INSC: variants seen among roughly 807,000 people sequenced by gnomAD.
INSC encodes protein inscuteable homolog.
INSC carries 67 observed loss-of-function variants against 58.6 expected under a neutral mutation model. The ratio of observed to expected loss-of-function variants is 1.14; its 90% CI spans 0.94 to 1.40. The LOEUF is 1.40. INSC is among the 40% of genes most tolerant of loss of function. The pLI, the probability that INSC is intolerant of heterozygous loss-of-function variation, is 0.00. For missense variants in INSC, 714 were observed against 692.0 expected (o/e 1.03, Z -0.36); for synonymous variants, 262 against 276.1 (o/e 0.95, Z 0.51).
chr11:15,219,459 G>A (rs571654868), intron 7 of INSC, among the ~76,000 whole-genome samples: 1 of 152,272 alleles, frequency 6.6e-6, no homozygotes, highest in South Asian at 2.1e-4. Flanking sequence ...ACAAGGCTTG[G>A]CATGCAGTAT....
At chr11:15,220,551 T>C (rs115892989) in intron 7 of INSC, among the ~76,000 whole-genome samples, 82 of 152,260 alleles carry the variant, frequency 5.4e-4, no homozygotes, top group African/African-American at 1.9e-3. Context: ...ACCATTTGAG[T>C]TTGAATACCA....
intron 1 of INSC, among the ~76,000 whole-genome samples, chr11:15,134,827 C>CTTTATTTATTTATTTATTTA (rs112337509): frequency 0.012 from 1,838 of 150,898 alleles, 32 homozygotes; most frequent in African/African-American, 0.037. Context: ...CATCTTCCTC[C>CTTTATTTATTTATTTATTTA]TTTATTTATT....
At position 15,245,952 on chromosome 11, in the gene INSC, T is replaced by G. The variant is rs1396843765; in HGVS notation, c.1511T>G (p.Leu504Arg). The change falls in exon 13 of 13, where the codon CTC becomes CGC. Residue 504 changes from leucine to arginine, a missense_variant. Physicochemically the swap from Leu to Arg is moderately radical, Grantham distance 102. Transcript: ENST00000379556. Reference protein sequence around the residue: ...RRLAGVCPEGLQDSDFQQLVQ... With the variant: ...RRLAGVCPEGRQDSDFQQLVQ... ...TTGGCTGGGGTCTGCCCTGAAGGCC[T>G]CCAGGACTCTGACTTTCAGCAGTTG... is the stretch of plus-strand genomic sequence containing the variant. 1.2e-6 allele frequency: 2 copies of G among 1,614,204 alleles called. No individual in the cohort carries two copies. Among genetic ancestry groups the G allele is most frequent in the Non-Finnish European group, 8.5e-7 (1 of 1,180,020 alleles).
chr11:15,186,885 C>A (rs1055995090), intron 5 of INSC, among the ~76,000 whole-genome samples: 3 of 152,090 alleles, frequency 2.0e-5, no homozygotes, highest in East Asian at 1.9e-4. Flanking sequence ...TTAAAAAAAA[C>A]CCAGCAATTG....
At chr11:15,157,956 G>C (rs368967555) in intron 2 of INSC, among the ~76,000 whole-genome samples, 5 of 152,120 alleles carry the variant, frequency 3.3e-5, no homozygotes, top group African/African-American at 1.2e-4. Context: ...TTCCTCCCTG[G>C]ATGTGTTTCC....
At chr11:15,120,870 G>C (rs1257679846) in intron 1 of INSC, among the ~76,000 whole-genome samples, 3 of 147,634 alleles carry the variant, frequency 2.0e-5, no homozygotes, top group African/African-American at 7.3e-5. Flanking sequence ...AAATGTATAA[G>C]ACTTATATAA....
chr11:15,118,746 C>T (rs1198303687), intron 1 of INSC, among the ~76,000 whole-genome samples: 3 of 152,176 alleles, frequency 2.0e-5, no homozygotes, highest in African/African-American at 7.2e-5. Flanking sequence ...TAAGCTCAAC[C>T]AAGTGAAAAC....
chr11:15,221,617 G>T lies in INSC; in HGVS notation c.960G>T (p.Glu320Asp), dbSNP rs1446411563. 1.2e-6 allele frequency: 2 copies of T among 1,613,462 alleles called. No individual in the cohort carries two copies. The highest frequency in any genetic ancestry group is 1.3e-5 in the African/African-American group (1 of 74,904). ...CCCAGCACCTCAGTAGCTTCCTGGA[G>T]AGCATGGAGGAGATCGTGACAGCCC... The part of the protein sequence containing the change: ...PVTQHLSSFL[E>D]SMEEIVTALV... The change falls in exon 8 of 13, where the codon GAG becomes GAT. Residue 320 changes from glutamate to aspartate, a missense_variant. Transcript: ENST00000379556.
At chr11:15,192,149 C>T (rs1850202153) in intron 6 of INSC, among the ~76,000 whole-genome samples, 2 of 152,250 alleles carry the variant, frequency 1.3e-5, no homozygotes, top group African/African-American at 4.8e-5. Flanking sequence ...GTTTCTCCCT[C>T]TCCCAGGCTG....
chr11:15,264,594 C>T, the INSC span, among the ~76,000 whole-genome samples: 2 of 149,236 alleles, frequency 1.3e-5, no homozygotes, highest in Non-Finnish European at 3.0e-5. Context: ...TCTTCTCATG[C>T]TTGGAATCTT....
chr11:15,220,752 T>C (rs1851405411), intron 7 of INSC, among the ~76,000 whole-genome samples: 1 of 152,208 alleles, frequency 6.6e-6, no homozygotes, highest in Non-Finnish European at 1.5e-5. Flanking sequence ...CAGCAGAAGC[T>C]GTTATGCCAA....
chr11:15,207,161 G>T (rs1365235720), intron 7 of INSC, among the ~76,000 whole-genome samples: 3 of 152,138 alleles, frequency 2.0e-5, no homozygotes, highest in Non-Finnish European at 4.4e-5. Context: ...GGAAGCTACA[G>T]GTCTGTGGCC....
chr11:15,158,607 G>A (rs536857817), intron 2 of INSC, among the ~76,000 whole-genome samples: 2 of 152,236 alleles, frequency 1.3e-5, no homozygotes, highest in African/African-American at 2.4e-5. Context: ...TGGTGTTTAG[G>A]TGATAGAAGC....
chr11:15,245,917 T>A lies in INSC; in HGVS notation c.1476T>A (p.Ala492=). The change falls in exon 13 of 13, where the codon GCT becomes GCA. Residue 492 remains alanine (A), a synonymous_variant. Coordinates refer to ENST00000379556, the MANE Select transcript of INSC (RefSeq NM_001042536.3). ...SDAVLVACLA[A]LRRLAGVCPE... ...CTCTTCTGTCTTCTCCCCAGGCTGCTCTGCGTAGATTGGCTGGGGTCTGCC... is the reference window on the plus strand; with the variant it reads ...CTCTTCTGTCTTCTCCCCAGGCTGCACTGCGTAGATTGGCTGGGGTCTGCC... 1 of 1,614,132 alleles carries A rather than the reference T, an allele frequency of 6.2e-7. No homozygotes were observed. Among genetic ancestry groups the A allele is most frequent in the Non-Finnish European group, 8.5e-7 (1 of 1,179,942 alleles).
chr11:15,132,894 G>A (rs532855959), intron 1 of INSC, among the ~76,000 whole-genome samples: 1 of 152,230 alleles, frequency 6.6e-6, no homozygotes, highest in African/African-American at 2.4e-5. Flanking sequence ...TGTCAATCTA[G>A]TTTCCTTTTT....
chr11:15,221,460 C>A lies in INSC; in HGVS notation c.820-17C>A. On this transcript the variant is annotated splice_polypyrimidine_tract_variant and intron_variant, in intron 7 of 12. Transcript: ENST00000379556. ...CCACCCAGGATGCACAGGGGAGCTC[C>A]CTCTCTCCATCTGCAGGTGGATGGC... is the stretch of plus-strand genomic sequence containing the variant. The A allele has an allele frequency of 6.3e-7, 1 of 1,595,494 alleles. No individual in the cohort carries two copies. Among genetic ancestry groups the A allele is most frequent in the Non-Finnish European group, 8.6e-7 (1 of 1,168,956 alleles).
chr11:15,119,280 T>A (rs561462758), intron 1 of INSC, among the ~76,000 whole-genome samples: 1 of 152,240 alleles, frequency 6.6e-6, no homozygotes, highest in South Asian at 2.1e-4. Flanking sequence ...TGTGGGGATC[T>A]CTCCCTCTGT....
At chr11:15,177,978 C>T (rs1026802227) in intron 4 of INSC, among the ~76,000 whole-genome samples, 3 of 152,236 alleles carry the variant, frequency 2.0e-5, no homozygotes, top group South Asian at 2.1e-4. Context: ...CTCTTTGAAG[C>T]TTCTTGCCCC....
At chr11:15,121,415 C>A (rs1219935278) in intron 1 of INSC, among the ~76,000 whole-genome samples, 4 of 152,190 alleles carry the variant, frequency 2.6e-5, no homozygotes, top group Non-Finnish European at 5.9e-5. Flanking sequence ...TAGATTCAAG[C>A]AATGCATTAG....
Sources: gnomAD v4.1 joint callset for allele counts (sites outside exome capture counted in the v4.1 genomes callset) on GRCh38, gnomAD v4.1.1 for gene constraint, MANE v1.5 for transcripts, NCBI Gene and HGNC (gene_info 2026-07-23, HGNC 2026-07-21) for gene names.